Variants in DGKQ observed in about 807,000 individuals in gnomAD.
The protein encoded by DGKQ is DAG kinase theta.
In DGKQ, 97 loss-of-function variants were observed where a neutral mutation model predicts 104.2. That is an observed-to-expected ratio of 0.93 (90% CI 0.79 to 1.10). The LOEUF (loss-of-function observed/expected upper bound fraction) is 1.10. Ranked by LOEUF, DGKQ falls within the 50% of genes least tolerant of loss-of-function variation. The probability of loss-of-function intolerance (pLI) is 0.00; values close to 1 mark genes in which losing one functional copy is unlikely to be tolerated. For synonymous variants in DGKQ, 736 were observed against 595.2 expected (o/e 1.24, Z -3.44); for missense variants, 1,465 against 1,352.1 (o/e 1.08, Z -1.31).
At chr4:961,362 A>C in intron 21 of DGKQ, 105 bp downstream of exon 21, 1 of 1,296,924 alleles carries the variant, frequency 7.7e-7, no homozygotes. Flanking sequence ...GGGACCGGGG[A>C]CGCCCACCCT....
chr4:965,570 G>T (rs749379483), intron 13 of DGKQ, 41 bp from the exon 14 acceptor site: 2 of 1,605,644 alleles, frequency 1.2e-6, no homozygotes, highest in Admixed American at 3.4e-5. Flanking sequence ...GGAGGCGAAG[G>T]ACACACAGCA....
Position 967,955 on chromosome 4 carries a change from G to A in DGKQ, c.736C>T (p.Pro246Ser). The A allele has an allele frequency of 6.7e-7, 1 of 1,486,714 alleles. No homozygotes were observed. The highest frequency in any genetic ancestry group is 8.9e-7 in the Non-Finnish European group (1 of 1,126,640). The allele number at this position is 1,486,714 out of a possible 1,614,324, so 92.1% of individuals were successfully genotyped here. A position where few individuals can be genotyped will look rare whatever the true frequency, so the allele number is the denominator to read the frequency against. ...FGRLRSLVLP[P>S]ACVRLLPGGF... ...CCGGGCAGAAGGCGCACGCACGCGGGAGGCAGGACCAGGGAGCGCAGACGC... is the reference window on the plus strand; with the variant it reads ...CCGGGCAGAAGGCGCACGCACGCGGAAGGCAGGACCAGGGAGCGCAGACGC... Residue 246 changes from proline (P) to serine (S), a missense_variant, in exon 6 of 23, where the codon CCC becomes TCC. Physicochemically the swap from Pro to Ser is moderately conservative, Grantham distance 74. Coordinates refer to ENST00000273814, the MANE Select transcript of DGKQ (RefSeq NM_001347.4).
Position 973,548 on chromosome 4 carries a change from G to A in DGKQ, c.-66C>T. 1.0e-6 allele frequency: 1 copy of A among 981,966 alleles called. No individual in the cohort carries two copies. Among genetic ancestry groups the A allele is most frequent in the Non-Finnish European group, 1.2e-6 (1 of 827,242 alleles). 60.8% of individuals were successfully genotyped at this position (981,966 alleles called of 1,614,324 possible). ...GGGGTACAGGAGCCGCCGCTCCACGGCCCGGTACACTGCTTCCGACTGCGC... is the reference window on the plus strand; with the variant it reads ...GGGGTACAGGAGCCGCCGCTCCACGACCCGGTACACTGCTTCCGACTGCGC... On this transcript the variant is annotated 5_prime_UTR_variant, in exon 1 of 23. Transcript: ENST00000273814.
chr4:962,701 G>C, intron 17 of DGKQ, 71 bp downstream of exon 17: 1 of 1,590,898 alleles, frequency 6.3e-7, no homozygotes, highest in African/African-American at 1.3e-5. Context: ...AGCCAGCCCA[G>C]GCCTCGGCAA....
In DGKQ at chr4:961,182, A is replaced by T; in HGVS notation, c.2594T>A (p.Leu865Gln). 1 of 1,581,320 alleles carries T rather than the reference A, an allele frequency of 6.3e-7. No homozygotes were observed. The highest frequency in any genetic ancestry group is 8.6e-7 in the Non-Finnish European group (1 of 1,164,310). ...VVHMGQVQGG[L>Q]RSGIRIAQGS... Reference sequence around the variant, plus strand: ...CTGGGCAATCCGGATTCCGGAGCGCAGCCCACCCTGGACCTGGCCCTGGGG... The same window carrying T: ...CTGGGCAATCCGGATTCCGGAGCGCTGCCCACCCTGGACCTGGCCCTGGGG... The change falls in exon 22 of 23, where the codon CTG becomes CAG. Residue 865 changes from leucine to glutamine, a missense_variant. Leu to Gln is a moderately radical substitution (Grantham distance 113). Transcript: ENST00000273814.
rs761833369 is a variant in DGKQ at position 960,340 on chromosome 4, G to T, written c.*280C>A. On this transcript the variant is annotated 3_prime_UTR_variant, in exon 23 of 23. Transcript: ENST00000273814. Reference sequence around the variant, plus strand: ...AGGACCAGGCCCCCACAGGGCAGAGGGCTCACCATCCAGAGCCCTGCGCCC... The same window carrying T: ...AGGACCAGGCCCCCACAGGGCAGAGTGCTCACCATCCAGAGCCCTGCGCCC... 11 of 522,510 alleles carry T rather than the reference G, an allele frequency of 2.1e-5. No homozygotes were observed. The highest frequency in any genetic ancestry group is 3.5e-5 in the Non-Finnish European group (10 of 288,104). The allele number at this position is 522,510 out of a possible 1,614,324, so 32.4% of individuals were successfully genotyped here. A position where few individuals can be genotyped will look rare whatever the true frequency, so the allele number is the denominator to read the frequency against.
At position 968,907 on chromosome 4, in the gene DGKQ, G is replaced by T; in HGVS notation, c.355C>A (p.Pro119Thr). The change falls in exon 3 of 23, where the codon CCT becomes ACT. Residue 119 changes from proline to threonine, a missense_variant. Coordinates refer to ENST00000273814, the MANE Select transcript of DGKQ (RefSeq NM_001347.4). ...TSVAPSLVRV[P>T]VAHCFGPRGL... ...CGGGGGCCGAAGCAGTGGGCTACAG[G>T]AACCTGGTGGGGCAGCCTCACCTCA... The T allele has an allele frequency of 6.3e-7, 1 of 1,585,224 alleles. No individual in the cohort carries two copies. The highest frequency in any genetic ancestry group is 8.6e-7 in the Non-Finnish European group (1 of 1,162,400).
rs772099040 is a variant in DGKQ at position 968,524 on chromosome 4, G to A, written c.492C>T (p.Ala164=). 1.2e-6 allele frequency: 2 copies of A among 1,609,674 alleles called. No homozygotes were observed. The highest frequency in any genetic ancestry group is 1.7e-6 in the Non-Finnish European group (2 of 1,178,700). ...LHLHPDCVPF[A]CSDCRQCHQD... ...GGTGGCACTGGCGGCAGTCACTGCA[G>A]GCGAAGGGCACACAGTCTGGGTGGA... is the stretch of plus-strand genomic sequence containing the variant. Residue 164 remains alanine (A), a synonymous_variant, in exon 4 of 23, where the codon GCC becomes GCT. Coordinates refer to ENST00000273814, the MANE Select transcript of DGKQ (RefSeq NM_001347.4).
In DGKQ at chr4:967,906, A is replaced by C; in HGVS notation, c.785T>G (p.Phe262Cys). ...LPGGFSKTQSFRIVEAAEPGE... is the reference protein window; with the variant it reads ...LPGGFSKTQSCRIVEAAEPGE... ...CGGCTCCGCGGCCTCCACGATGCGG[A>C]AGCTCTGCGTCTTGCTGAAGCCGCC... is the stretch of plus-strand genomic sequence containing the variant. Residue 262 changes from phenylalanine to cysteine, a missense_variant, in exon 6 of 23, where the codon TTC (phenylalanine) becomes TGC (cysteine). Coordinates refer to ENST00000273814, the MANE Select transcript of DGKQ (RefSeq NM_001347.4). The C allele has an allele frequency of 6.2e-6, 9 of 1,456,760 alleles. No homozygotes were observed. Among genetic ancestry groups the C allele is most frequent in the Non-Finnish European group, 8.1e-6 (9 of 1,112,920 alleles). 90.2% of individuals were successfully genotyped at this position (1,456,760 alleles called of 1,614,324 possible).
chr4:964,946 G>A (rs986807604), intron 15 of DGKQ, among the ~76,000 whole-genome samples: 2 of 152,206 alleles, frequency 1.3e-5, no homozygotes, highest in African/African-American at 4.8e-5. Context: ...AGCCTCGGAT[G>A]AGCGCTGACC....
At position 965,370 on chromosome 4, in the gene DGKQ, T is replaced by A; in HGVS notation, c.1619-79A>T. ...CCAGGGCAGGAACCAAACCAGGACGTTTCCCCAGCCCAGGGCTGCCCAAGG... is the reference window on the plus strand; with the variant it reads ...CCAGGGCAGGAACCAAACCAGGACGATTCCCCAGCCCAGGGCTGCCCAAGG... On this transcript the variant is annotated intron_variant, in intron 14 of 22. Transcript: ENST00000273814. 3 of 1,563,972 alleles carry A rather than the reference T, an allele frequency of 1.9e-6. No individual in the cohort carries two copies. The South Asian group carries it at 3.4e-5, about 18-fold the overall frequency.
At chr4:967,104 C>A (rs1033436703) in intron 9 of DGKQ, 25 bp downstream of exon 9, 1 of 1,557,108 alleles carries the variant, frequency 6.4e-7, no homozygotes, top group Non-Finnish European at 8.7e-7. Flanking sequence ...GCCCAGCAGA[C>A]CCTGAGCCTC....
chr4:962,735 C>T, intron 17 of DGKQ, 37 bp downstream of exon 17: 1 of 1,597,790 alleles, frequency 6.3e-7, no homozygotes, highest in Non-Finnish European at 8.5e-7. Flanking sequence ...AGGGGTAGAC[C>T]CTGAGGCCCC....
chr4:970,988 C>G lies in DGKQ; in HGVS notation c.351+5G>C. On this transcript the variant is annotated splice_donor_5th_base_variant and intron_variant, in intron 2 of 22. Transcript: ENST00000273814. ...TGCAGGTGCAACACCCAGCCCCACA[C>G]TCACCCGGACCAGGCTGGGTGCCAC... is the stretch of plus-strand genomic sequence containing the variant. 1 of 1,549,824 alleles carries G rather than the reference C, an allele frequency of 6.5e-7. No individual in the cohort carries two copies. Among genetic ancestry groups the G allele is most frequent in the Non-Finnish European group, 8.7e-7 (1 of 1,146,996 alleles).
In DGKQ at chr4:967,784, G is replaced by A. The variant is rs1209599207; in HGVS notation, c.830C>T (p.Ala277Val). Reference sequence around the variant, plus strand: ...TGGACCCACGGCAGCGCTCCCGTCGGCGCCGTCGCCCCCCTCGCCTGCGGG... The same window carrying A: ...TGGACCCACGGCAGCGCTCCCGTCGACGCCGTCGCCCCCCTCGCCTGCGGG... ...AAEPGEGGDGADGSAAVGPGR... is the reference protein window; with the variant it reads ...AAEPGEGGDGVDGSAAVGPGR... The change falls in exon 7 of 23, where the codon GCC becomes GTC. Residue 277 changes from alanine to valine, a missense_variant. By Grantham distance (64) the Ala-to-Val change is moderately conservative. Transcript: ENST00000273814. 3.7e-5 allele frequency: 59 copies of A among 1,604,704 alleles called. No individual in the cohort carries two copies. Among genetic ancestry groups the A allele is most frequent in the Non-Finnish European group, 3.6e-5 (42 of 1,176,342 alleles).
Position 971,471 on chromosome 4 carries a change from C to G in DGKQ, c.272-399G>C, listed in dbSNP as rs960398829. On this transcript the variant is annotated intron_variant, in intron 1 of 22. Transcript: ENST00000273814. This position sits in a 1 kb window ranked among gnomAD's most constrained non-coding sequence, Gnocchi z 4.0. ...GGCTTTACCAAGGACATCTGTGTCT[C>G]ACTCCCCCGAAACTACGCATACCCC... 1.3e-5 allele frequency among the ~76,000 whole-genome samples: 2 copies of G among 152,224 alleles called. No individual in the cohort carries two copies. Among genetic ancestry groups the G allele is most frequent in the Non-Finnish European group, 2.9e-5 (2 of 68,024 alleles).
At chr4:960,784 C>T in intron 22 of DGKQ, 63 bp from the exon 23 acceptor site, 1 of 1,581,726 alleles carries the variant, frequency 6.3e-7, no homozygotes, top group Non-Finnish European at 8.6e-7. Context: ...GGTACACGGG[C>T]AGCCCCCGGT....
At chr4:967,078 G>C (rs1443720873) in intron 9 of DGKQ, 24 bp from the exon 10 acceptor site, 1 of 1,545,276 alleles carries the variant, frequency 6.5e-7, no homozygotes, top group Non-Finnish European at 8.8e-7. Flanking sequence ...GTCTGAGCTG[G>C]AGCTCCCCCC....
rs112411212 is a variant in DGKQ, at chr4:960,634, T to C, written c.2815A>G (p.Ser939Gly). Residue 939 changes from serine to glycine, a missense_variant, in exon 23 of 23, where the codon AGC (serine) becomes GGC (glycine). By Grantham distance (56) the Ser-to-Gly change is moderately conservative. Transcript: ENST00000273814. Reference sequence around the variant, plus strand: ...CCCAGCCACCCCTACCTAGGATCGCTCTCAGGGGCAGGCGCAGCATCCGCC... The same window carrying C: ...CCCAGCCACCCCTACCTAGGATCGCCCTCAGGGGCAGGCGCAGCATCCGCC... Reference protein sequence around the residue: ...ARADAAPAPESDPR With the variant: ...ARADAAPAPEGDPR The C allele has an allele frequency of 1.5e-4, 248 of 1,611,814 alleles. No individual in the cohort carries two copies. In the African/African-American group the frequency reaches 2.6e-3, roughly 17 times the overall value.
Sources: allele counts gnomAD v4.1 joint callset (sites outside exome capture counted in the v4.1 genomes callset), GRCh38; gene constraint gnomAD v4.1.1; non-coding constraint Gnocchi (gnomAD v3.1); transcripts MANE v1.5; gene names NCBI Gene and HGNC (gene_info 2026-07-23, HGNC 2026-07-21).